The following LCP1 variants were observed in gnomAD, a reference collection of about 807,000 sequenced individuals.
The protein encoded by LCP1 is lymphocyte cytosolic protein 1, also known as plastin-2.
In LCP1, 23 loss-of-function variants were observed where a neutral mutation model predicts 72.0. The ratio of observed to expected loss-of-function variants is 0.32; its 90% CI spans 0.23 to 0.45. LCP1 has a LOEUF of 0.45. Among genes scored for constraint, LCP1 ranks in the 20% least tolerant of loss-of-function variants. The pLI is 1.00. For missense variants in LCP1, 571 were observed against 748.3 expected (o/e 0.76, Z 2.76); for synonymous variants, 245 against 275.4 (o/e 0.89, Z 1.09).
chr13:46,144,392 T>C, intron 11 of LCP1, 50 bp downstream of exon 11: 2 of 1,341,076 alleles, frequency 1.5e-6, no homozygotes, highest in Non-Finnish European at 2.1e-6. Context: ...ATCCTATGGC[T>C]CTTTTGAGGT....
chr13:46,147,359 C>T (rs1297020962), intron 9 of LCP1, among the ~76,000 whole-genome samples: 2 of 152,124 alleles, frequency 1.3e-5, no homozygotes, highest in Non-Finnish European at 2.9e-5. Flanking sequence ...TGGTTGGTTG[C>T]TCTGTTTCAA....
At chr13:46,150,844 G>C (rs2045759074) in intron 8 of LCP1, 92 bp downstream of exon 8, 1 of 1,385,662 alleles carries the variant, frequency 7.2e-7, no homozygotes, top group Non-Finnish European at 9.9e-7. Flanking sequence ...CTTCTGAAGA[G>C]AGGAAGCCCC....
intron 4 of LCP1, among the ~76,000 whole-genome samples, chr13:46,157,316 G>A (rs1193947757): frequency 6.6e-6 from 1 of 151,888 alleles, no homozygotes; most frequent in African/African-American, 2.4e-5. Context: ...CAAAACTCAG[G>A]ATTCCGCTTT....
intron 6 of LCP1, among the ~76,000 whole-genome samples, chr13:46,154,168 C>T (rs2045786303): frequency 6.6e-6 from 1 of 152,192 alleles, no homozygotes; most frequent in African/African-American, 2.4e-5. Context: ...TGTGTTTAAT[C>T]ATTGTTCTCA....
At chr13:46,156,970 G>A (rs1217162388) in intron 4 of LCP1, among the ~76,000 whole-genome samples, 2 of 151,522 alleles carry the variant, frequency 1.3e-5, no homozygotes, top group Admixed American at 6.6e-5. Context: ...ACAGGCGCCC[G>A]CCACAACACC....
chr13:46,177,401 G>A (rs759379666), intron 1 of LCP1, among the ~76,000 whole-genome samples: 1 of 152,178 alleles, frequency 6.6e-6, no homozygotes, highest in Non-Finnish European at 1.5e-5. Context: ...CAGCACTTTG[G>A]GAGGCCGAGG....
chr13:46,154,859 G>A lies in LCP1; in HGVS notation c.519C>T (p.Asp173=). 1 of 1,614,000 alleles carries A rather than the reference G, an allele frequency of 6.2e-7. No homozygotes were observed. Among genetic ancestry groups the A allele is most frequent in the Non-Finnish European group, 8.5e-7 (1 of 1,179,886 alleles). ...TGTTGATTGTTCTTTCATCAATTGT[G>A]TCTGGCACTGACAGGTTGATCATTT... ...LCKMINLSVP[D]TIDERTINKK... Residue 173 remains aspartate (D), a synonymous_variant, in exon 6 of 16, where the codon GAC becomes GAT. Coordinates refer to ENST00000323076, the MANE Select transcript of LCP1 (RefSeq NM_002298.5).
chr13:46,136,052 T>C, intron 13 of LCP1, among the ~76,000 whole-genome samples: 1 of 150,892 alleles, frequency 6.6e-6, no homozygotes, highest in East Asian at 2.0e-4. Context: ...CTTCCCTCTC[T>C]GCTTCCTTGC....
intron 4 of LCP1, among the ~76,000 whole-genome samples, chr13:46,157,960 C>G (rs1344619958): frequency 6.6e-6 from 1 of 152,110 alleles, no homozygotes; most frequent in Non-Finnish European, 1.5e-5. Flanking sequence ...CTCCTGACCT[C>G]AGGTGATCCA....
chr13:46,131,378 A>G (rs2045633454), intron 14 of LCP1, among the ~76,000 whole-genome samples: 1 of 152,234 alleles, frequency 6.6e-6, no homozygotes, highest in South Asian at 2.1e-4. Context: ...GGTTGTGGAG[A>G]AAAGGGAATG....
chr13:46,149,899 G>A (rs974874541), intron 8 of LCP1, among the ~76,000 whole-genome samples: 1 of 152,228 alleles, frequency 6.6e-6, no homozygotes, highest in African/African-American at 2.4e-5. Context: ...ACCCAGGTCG[G>A]TTGGTGGTGC....
intron 11 of LCP1, 41 bp downstream of exon 11, chr13:46,144,401 G>C (rs1340278608): frequency 7.1e-7 from 1 of 1,418,296 alleles, no homozygotes; most frequent in Non-Finnish European, 1.0e-6. Context: ...CTCTTTTGAG[G>C]TCTCTATCTT....
At chr13:46,146,476 C>T (rs954177533) in intron 10 of LCP1, among the ~76,000 whole-genome samples, 4 of 152,096 alleles carry the variant, frequency 2.6e-5, no homozygotes, top group Non-Finnish European at 4.4e-5. Flanking sequence ...CTGTGGCTCC[C>T]GTAAGAAACA....
intron 11 of LCP1, among the ~76,000 whole-genome samples, chr13:46,143,694 T>C (rs1367721963): frequency 1.3e-5 from 2 of 152,174 alleles, no homozygotes; most frequent in Non-Finnish European, 2.9e-5. Context: ...CCCTGCAACA[T>C]GCAATTAACC....
At chr13:46,159,330 C>G (rs1343996246) in intron 2 of LCP1, 2 of 534,666 alleles carry the variant, frequency 3.7e-6, no homozygotes, top group Non-Finnish European at 6.6e-6. Flanking sequence ...AACAGCAAAA[C>G]AGAAGACAAG....
rs551802557 is a variant in LCP1 at position 46,129,262 on chromosome 13, C to G, written c.1752-1539G>C. ...ACAGGAGAGTGCTTAGGGGTCTGGG[C>G]TCTGAAGTTGGACTTTGAATCTCAG... On this transcript the variant is annotated intron_variant, in intron 15 of 15. Coordinates refer to ENST00000323076, the MANE Select transcript of LCP1 (RefSeq NM_002298.5). 2.0e-5 allele frequency among the ~76,000 whole-genome samples: 3 copies of G among 152,280 alleles called. No homozygotes were observed. The South Asian group carries it at 6.2e-4, about 32-fold the overall frequency.
chr13:46,151,288 T>C (rs900551743), intron 7 of LCP1, among the ~76,000 whole-genome samples: 2 of 152,332 alleles, frequency 1.3e-5, no homozygotes, highest in Middle Eastern at 3.4e-3. Flanking sequence ...ATTTATTATC[T>C]CCATTTTCCA....
Position 46,127,515 on chromosome 13 carries a change from C to A in LCP1, c.*76G>T. ...GTCACCAAGTTGAACTTTGGAATGG[C>A]TTGAATCATCCCTGGAGCATCTGTG... On this transcript the variant is annotated 3_prime_UTR_variant, in exon 16 of 16. Transcript: ENST00000323076. 1 of 1,573,622 alleles carries A rather than the reference C, an allele frequency of 6.4e-7. No homozygotes were observed. The highest frequency in any genetic ancestry group is 2.0e-4 in the Middle Eastern group (1 of 4,880).
Position 46,142,133 on chromosome 13 carries a change from G to GAA in LCP1, c.1502+157_1502+158dup, listed in dbSNP as rs1204253449. Among the ~76,000 whole-genome samples, 433 of 141,122 alleles carry GAA rather than the reference G, an allele frequency of 3.1e-3. 4 individuals are homozygous for GAA. The highest frequency in any genetic ancestry group is 0.011 in the African/African-American group (407 of 38,392). The allele number at this position is 141,122 out of a possible 152,430, so 92.6% of individuals were successfully genotyped here. A position where few individuals can be genotyped will look rare whatever the true frequency, so the allele number is the denominator to read the frequency against. On this transcript the variant is annotated intron_variant, in intron 13 of 15. Coordinates refer to ENST00000323076, the MANE Select transcript of LCP1 (RefSeq NM_002298.5). ...ACTTGAAACAAAAACTGATAGGACT[G>GAA]AAAAAAAAAAAGCAGAAAGGTAAAA...
Sources: allele counts gnomAD v4.1 joint callset (sites outside exome capture counted in the v4.1 genomes callset), GRCh38; gene constraint gnomAD v4.1.1; transcripts MANE v1.5; gene names NCBI Gene and HGNC (gene_info 2026-07-23, HGNC 2026-07-21).